The following CEP290 variants were observed in gnomAD, a reference collection of about 807,000 sequenced individuals.
CEP290 encodes the protein centrosomal protein of 290 kDa.
A neutral mutation model predicts 344.9 loss-of-function variants in CEP290; 317 were observed. The ratio of observed to expected loss-of-function variants is 0.92; its 90% CI spans 0.84 to 1.01. The LOEUF is 1.01. CEP290 is among the 50% of genes least tolerant of loss of function. The probability of loss-of-function intolerance (pLI) is 0.00; values close to 1 mark genes in which losing one functional copy is unlikely to be tolerated. For synonymous variants in CEP290, 932 were observed against 895.8 expected (o/e 1.04, Z -0.72); for missense variants, 2,754 against 2,761.4 (o/e 1.00, Z 0.06).
intron 35 of CEP290, 117 bp from the exon 36 acceptor site, chr12:88,084,071 A>C: frequency 1.5e-6 from 1 of 663,716 alleles, no homozygotes; most frequent in Non-Finnish European, 2.6e-6. Flanking sequence ...TGAGGAAGAA[A>C]CAGTATCTCC....
intron 38 of CEP290, 95 bp from the exon 39 acceptor site, chr12:88,079,324 C>T: frequency 2.1e-6 from 2 of 949,954 alleles, no homozygotes; most frequent in Non-Finnish European, 3.0e-6. Context: ...TTTATTACTT[C>T]CTACTATTTT....
chr12:88,138,102 A>G (rs1352996539), intron 5 of CEP290, among the ~76,000 whole-genome samples: 9 of 152,148 alleles, frequency 5.9e-5, no homozygotes, highest in African/African-American at 2.2e-4. Flanking sequence ...TCCTTGTCCA[A>G]CCAGAACATT....
At position 88,055,409 on chromosome 12, in the gene CEP290, C is replaced by T. The variant is rs77540397; in HGVS notation, c.6960+167G>A. Among the ~76,000 whole-genome samples, 57 of 152,174 alleles carry T rather than the reference C, an allele frequency of 3.7e-4. 2 individuals are homozygous for T. The East Asian group carries it at 5.4e-3, about 14-fold the overall frequency. On this transcript the variant is annotated intron_variant, in intron 50 of 53. Coordinates refer to ENST00000552810, the MANE Select transcript of CEP290 (RefSeq NM_025114.4). ...ATGTGGAGAATGAAAAGAATGAAGT[C>T]GTTGATGATCCAAAGTTTCTGGCTT...
chr12:88,101,084 GGATGT>G (rs1485361083), intron 26 of CEP290, among the ~76,000 whole-genome samples: 3 of 152,080 alleles, frequency 2.0e-5, no homozygotes, highest in Non-Finnish European at 4.4e-5. Flanking sequence ...GCAGTAAGGA[GGATGT>G]AAGACTGGAG....
At position 88,077,280 on chromosome 12, in the gene CEP290, AGTTTTTTAACTTTCCTTT is replaced by A; in HGVS notation, c.5633_5650del (p.Gln1878_Lys1883del). 1 of 1,603,982 alleles carries A rather than the reference AGTTTTTTAACTTTCCTTT, an allele frequency of 6.2e-7. No homozygotes were observed. ...CACCTTTCCCTCTAATTGGTTCTCT[AGTTTTTTAACTTTCCTTT>A]GGAGTTCTTCAATTAGACTTTGTTT... On this transcript the variant is annotated inframe_deletion, in exon 41 of 54. Coordinates refer to ENST00000552810, the MANE Select transcript of CEP290 (RefSeq NM_025114.4).
intron 26 of CEP290, among the ~76,000 whole-genome samples, chr12:88,102,510 T>A (rs2037966473): frequency 6.6e-6 from 1 of 152,104 alleles, no homozygotes; most frequent in Non-Finnish European, 1.5e-5. Flanking sequence ...ATTCTACCTG[T>A]TTCATGCTCC....
rs1213494233 is a variant in CEP290, at chr12:88,062,755, T to C, written c.6294A>G (p.Glu2098=). The change falls in exon 46 of 54, where the codon GAA becomes GAG. Residue 2098 remains glutamate (E), a synonymous_variant. Transcript: ENST00000552810. ...RLKNQVRDLK[E]MCEFLKKEKA... ...TTTCTTTCTTAAGAAATTCACACATTTCCTTCAAATCTCTGACTTGATTCT... is the reference window on the plus strand; with the variant it reads ...TTTCTTTCTTAAGAAATTCACACATCTCCTTCAAATCTCTGACTTGATTCT... 4 of 1,588,102 alleles carry C rather than the reference T, an allele frequency of 2.5e-6. No homozygotes were observed. The highest frequency in any genetic ancestry group is 3.4e-6 in the Non-Finnish European group (4 of 1,165,420).
At chr12:88,084,490 G>A (rs1339949780) in intron 35 of CEP290, 96 bp downstream of exon 35, 2 of 1,100,554 alleles carry the variant, frequency 1.8e-6, no homozygotes, top group Non-Finnish European at 2.7e-6. Flanking sequence ...TCATTTGAAA[G>A]CAAGAAAAGA....
At chr12:88,071,255 T>C in intron 43 of CEP290, 39 bp downstream of exon 43, 1 of 1,542,304 alleles carries the variant, frequency 6.5e-7, no homozygotes, top group Non-Finnish European at 8.9e-7. Flanking sequence ...AACCAGTTTT[T>C]CATTACAATG....
chr12:88,094,872 A>G (rs1176492277), intron 27 of CEP290, among the ~76,000 whole-genome samples: 1 of 152,170 alleles, frequency 6.6e-6, no homozygotes, highest in Non-Finnish European at 1.5e-5. Context: ...TTCCAGCTTC[A>G]TAAGTTCAAG....
Position 88,077,807 on chromosome 12 carries a change from G to T in CEP290, c.5476C>A (p.Leu1826Met), listed in dbSNP as rs780490718. ...TTATAGGCTTTTTGTTTCTTTTGCA[G>T]TTCATTATTTAAGTCATTCAAATTA... ...TDNLNDLNNE[L>M]QKKQKAYNKI... Residue 1826 changes from leucine (L) to methionine (M), a missense_variant, in exon 40 of 54, where the codon CTG becomes ATG. By Grantham distance (15) the Leu-to-Met change is conservative. Coordinates refer to ENST00000552810, the MANE Select transcript of CEP290 (RefSeq NM_025114.4). The T allele has an allele frequency of 1.3e-6, 2 of 1,546,092 alleles. No individual in the cohort carries two copies. Among genetic ancestry groups the T allele is most frequent in the Non-Finnish European group, 1.8e-6 (2 of 1,131,484 alleles).
chr12:88,076,317 G>A lies in CEP290; in HGVS notation c.5709+905C>T, dbSNP rs150331364. On this transcript the variant is annotated intron_variant, in intron 41 of 53. Coordinates refer to ENST00000552810, the MANE Select transcript of CEP290 (RefSeq NM_025114.4). Reference sequence around the variant, plus strand: ...TAATTTTGGGAGCATACTCTATTAAGAAATTTGAATTCCATTACCTATTTT... The same window carrying A: ...TAATTTTGGGAGCATACTCTATTAAAAAATTTGAATTCCATTACCTATTTT... 1.0e-3 allele frequency among the ~76,000 whole-genome samples: 158 copies of A among 152,186 alleles called. 4 individuals are homozygous for A. The East Asian group carries it at 0.024, about 23-fold the overall frequency.
chr12:88,066,955 T>A (rs897213306), intron 44 of CEP290, among the ~76,000 whole-genome samples: 1 of 152,078 alleles, frequency 6.6e-6, no homozygotes, highest in Non-Finnish European at 1.5e-5. Context: ...CAGCAACACA[T>A]CCAAGTTTCC....
chr12:88,077,915 G>A lies in CEP290; in HGVS notation c.5368C>T (p.Gln1790Ter). 8.0e-7 allele frequency: 1 copy of A among 1,253,480 alleles called. No homozygotes were observed. 77.6% of individuals were successfully genotyped at this position (1,253,480 alleles called of 1,614,324 possible). A position where few individuals can be genotyped will look rare whatever the true frequency, so the allele number is the denominator to read the frequency against. ...VDRHTRELKT[Q>*]VEDLNENLLK... ...AGATTTTCATTTAAATCTTCAACTT[G>A]TGTCTAATAAGAGAAAAAGAAAGGT... The change falls in exon 40 of 54, where the codon CAA (glutamine) becomes TAA (stop). Residue 1790 changes from glutamine to a stop codon, truncating the protein, a stop_gained. Coordinates refer to ENST00000552810, the MANE Select transcript of CEP290 (RefSeq NM_025114.4). LOFTEE classifies it high-confidence loss of function.
chr12:88,136,035 G>C (rs913770123), intron 6 of CEP290: 2 of 152,010 alleles, frequency 1.3e-5, no homozygotes, highest in African/African-American at 2.4e-5. Context: ...AGTGAACACT[G>C]CAAGAATTAT....
intron 20 of CEP290, 102 bp from the exon 21 acceptor site, chr12:88,111,960 T>C: frequency 1.3e-6 from 1 of 768,362 alleles, no homozygotes; most frequent in South Asian, 2.9e-5. Flanking sequence ...AGCATTTTCC[T>C]ATTTTCATTG....
intron 36 of CEP290, 83 bp downstream of exon 36, chr12:88,083,764 T>C (rs1175577855): frequency 5.6e-6 from 5 of 887,782 alleles, no homozygotes; most frequent in African/African-American, 1.7e-5. Context: ...GTAACTTCCA[T>C]TCCAAAAAAG....
chr12:88,086,566 T>C (rs1250903631), intron 32 of CEP290, 68 bp from the exon 33 acceptor site: 1 of 1,028,996 alleles, frequency 9.7e-7, no homozygotes, highest in African/African-American at 1.6e-5. Flanking sequence ...GCATTTTATA[T>C]ATATTTTCTT....
At chr12:88,125,224 A>T in intron 13 of CEP290, 22 bp downstream of exon 13, 1 of 656,258 alleles carries the variant, frequency 1.5e-6, no homozygotes, top group Middle Eastern at 4.7e-4. Flanking sequence ...TATATAAAAT[A>T]ACTATATATT....
Sources: allele counts gnomAD v4.1 joint callset (sites outside exome capture counted in the v4.1 genomes callset), GRCh38; gene constraint gnomAD v4.1.1; transcripts MANE v1.5; gene names NCBI Gene and HGNC (gene_info 2026-07-23, HGNC 2026-07-21).